DOCK3: variants seen among roughly 807,000 people sequenced by gnomAD.
The protein encoded by DOCK3 is dedicator of cytokinesis protein 3.
A neutral mutation model predicts 265.6 loss-of-function variants in DOCK3; 60 were observed. The ratio of observed to expected loss-of-function variants is 0.23; its 90% CI spans 0.18 to 0.28. The LOEUF (loss-of-function observed/expected upper bound fraction) is 0.28, where lower values mean the gene tolerates loss of function less well. DOCK3 is among the 10% of genes least tolerant of loss of function. DOCK3 has a pLI of 1.00. For synonymous variants in DOCK3, 881 were observed against 938.0 expected (o/e 0.94, Z 1.11); for missense variants, 1,981 against 2,594.3 (o/e 0.76, Z 5.14).
At chr3:51,340,929 A>G (rs1045764934) in intron 37 of DOCK3, among the ~76,000 whole-genome samples, 2 of 152,190 alleles carry the variant, frequency 1.3e-5, no homozygotes, top group South Asian at 2.1e-4. Flanking sequence ...ATGTCTCCCA[A>G]AGCAAGGCAG....
chr3:50,889,919 G>A, intron 3 of DOCK3, 107 bp from the exon 4 acceptor site: 1 of 846,228 alleles, frequency 1.2e-6, no homozygotes, highest in Non-Finnish European at 1.6e-6. Context: ...TGCTGTAGCA[G>A]GAGATCTACT....
chr3:51,182,138 T>C (rs761487710), intron 12 of DOCK3, among the ~76,000 whole-genome samples: 3 of 152,156 alleles, frequency 2.0e-5, no homozygotes, highest in Non-Finnish European at 4.4e-5. Context: ...AGAGCTAGCA[T>C]AGTTAAAGGT....
chr3:50,871,298 GT>G (rs1431338705), intron 3 of DOCK3, among the ~76,000 whole-genome samples: 193 of 141,920 alleles, frequency 1.4e-3, no homozygotes, highest in Middle Eastern at 7.4e-3. Context: ...TTGGGTAAAA[GT>G]TTTTTTTTTT....
At chr3:51,153,298 C>T (rs1008235598) in intron 10 of DOCK3, among the ~76,000 whole-genome samples, 1 of 152,164 alleles carries the variant, frequency 6.6e-6, no homozygotes, top group African/African-American at 2.4e-5. Context: ...GCATGGGACC[C>T]GTCCAGGATA....
chr3:51,350,746 G>C (rs2085921163), intron 40 of DOCK3, among the ~76,000 whole-genome samples: 1 of 152,156 alleles, frequency 6.6e-6, no homozygotes, highest in African/African-American at 2.4e-5. Flanking sequence ...AGCCATATAG[G>C]GCACCAGTAA....
chr3:50,829,391 A>G (rs1256714710), intron 2 of DOCK3, among the ~76,000 whole-genome samples: 1 of 152,150 alleles, frequency 6.6e-6, no homozygotes, highest in Non-Finnish European at 1.5e-5. Flanking sequence ...GTTTCTTGGA[A>G]TCCTGTATGC....
At chr3:51,378,376 C>T (rs1401467183) in intron 51 of DOCK3, among the ~76,000 whole-genome samples, 2 of 152,200 alleles carry the variant, frequency 1.3e-5, no homozygotes, top group Non-Finnish European at 2.9e-5. Context: ...GGCCCAGCCC[C>T]TCTGGCCACA....
intron 2 of DOCK3, among the ~76,000 whole-genome samples, chr3:50,785,084 G>A (rs2042117154): frequency 6.6e-6 from 1 of 152,178 alleles, no homozygotes. Context: ...TTGAACCTGG[G>A]AGGCAGAGGT....
intron 6 of DOCK3, among the ~76,000 whole-genome samples, chr3:51,067,116 T>G (rs980923284): frequency 6.6e-6 from 1 of 152,228 alleles, no homozygotes; most frequent in Non-Finnish European, 1.5e-5. Context: ...ATAACATTAC[T>G]GTGTGCCAAG....
rs755779231 is a variant in DOCK3, at chr3:51,312,608, C to A, written c.3194+32C>A. On this transcript the variant is annotated intron_variant, in intron 30 of 52. Coordinates refer to ENST00000266037, the MANE Select transcript of DOCK3 (RefSeq NM_004947.5). ...TAAACGTCTTATATTCATCTCCTTA[C>A]CACTTGGCCAAATAGGGCTATGTTT... 8 of 1,534,376 alleles carry A rather than the reference C, an allele frequency of 5.2e-6. No homozygotes were observed. In the Admixed American group the frequency reaches 1.5e-4, roughly 29 times the overall value.
chr3:51,061,843 ACCT>A (rs927564914), intron 5 of DOCK3, among the ~76,000 whole-genome samples: 1 of 152,026 alleles, frequency 6.6e-6, no homozygotes, highest in African/African-American at 2.4e-5. Context: ...CACTTTCCTA[ACCT>A]CTGAATGTTG....
chr3:51,077,306 T>G (rs752947041), intron 7 of DOCK3, among the ~76,000 whole-genome samples: 3 of 152,212 alleles, frequency 2.0e-5, no homozygotes, highest in African/African-American at 7.2e-5. Context: ...GATTTTATTC[T>G]TAGTGTGACA....
intron 27 of DOCK3, 100 bp from the exon 28 acceptor site, chr3:51,310,132 T>C: frequency 2.3e-6 from 2 of 866,644 alleles, no homozygotes; most frequent in Non-Finnish European, 3.8e-6. Flanking sequence ...AACTCACTGG[T>C]CCCACCCATT....
At chr3:51,327,652 TC>T (rs1354583626) in intron 32 of DOCK3, among the ~76,000 whole-genome samples, 2 of 150,630 alleles carry the variant, frequency 1.3e-5, no homozygotes, top group Non-Finnish European at 3.0e-5. Flanking sequence ...TTAAGTAATG[TC>T]CCCCATATCC....
chr3:50,962,106 C>T (rs2076905106), intron 5 of DOCK3, among the ~76,000 whole-genome samples: 1 of 151,946 alleles, frequency 6.6e-6, no homozygotes, highest in Non-Finnish European at 1.5e-5. Context: ...CACCCATCAA[C>T]CCATCATCTA....
intron 9 of DOCK3, among the ~76,000 whole-genome samples, chr3:51,103,701 G>A (rs1354338908): frequency 2.0e-5 from 3 of 152,132 alleles, no homozygotes; most frequent in African/African-American, 7.2e-5. Context: ...CTGCCTTCAA[G>A]GACTTAATAT....
At position 51,316,934 on chromosome 3, in the gene DOCK3, T is replaced by C. The variant is rs553043695; in HGVS notation, c.3402+1806T>C. On this transcript the variant is annotated intron_variant, in intron 32 of 52. Coordinates refer to ENST00000266037, the MANE Select transcript of DOCK3 (RefSeq NM_004947.5). Reference sequence around the variant, plus strand: ...CTTTTCATTTACTAAACAATATCTTTCTTAGAACAAAAGTTTTTAATTTTT... The same window carrying C: ...CTTTTCATTTACTAAACAATATCTTCCTTAGAACAAAAGTTTTTAATTTTT... Among the ~76,000 whole-genome samples the C allele has an allele frequency of 2.0e-5, 3 of 152,302 alleles. No homozygotes were observed. The South Asian group carries it at 6.2e-4, about 32-fold the overall frequency.
intron 1 of DOCK3, among the ~76,000 whole-genome samples, chr3:50,767,082 G>C (rs188276576): frequency 2.0e-5 from 3 of 152,158 alleles, no homozygotes; most frequent in African/African-American, 7.2e-5. Context: ...TGTTCGCTCT[G>C]ATGGTAGTTT....
At chr3:50,696,435 C>T (rs908695258) in intron 1 of DOCK3, among the ~76,000 whole-genome samples, 1 of 152,162 alleles carries the variant, frequency 6.6e-6, no homozygotes, top group African/African-American at 2.4e-5. Flanking sequence ...CAAACATGTA[C>T]AATGGATAGA....
Sources: allele counts gnomAD v4.1 joint callset (sites outside exome capture counted in the v4.1 genomes callset), GRCh38; gene constraint gnomAD v4.1.1; transcripts MANE v1.5; gene names NCBI Gene and HGNC (gene_info 2026-07-23, HGNC 2026-07-21).